Variants in FAAH2 observed in about 807,000 individuals in gnomAD.
The protein encoded by FAAH2 is fatty-acid amide hydrolase 2.
A neutral mutation model predicts 36.9 loss-of-function variants in FAAH2; 60 were observed. The ratio of observed to expected loss-of-function variants is 1.63; its 90% CI spans 1.32 to 2.02. The LOEUF (loss-of-function observed/expected upper bound fraction) is 2.02. Among genes scored for constraint, FAAH2 ranks in the 30% most tolerant of loss-of-function variants. The pLI is 0.00. For missense variants in FAAH2, 689 were observed against 397.5 expected, an observed-to-expected ratio of 1.73 and a Z score of -6.23; for synonymous variants, 214 against 143.8, an observed-to-expected ratio of 1.49 and a Z score of -3.49.
chrX:57,472,769 G>A (rs1290283983), intron 10 of FAAH2, among the ~76,000 whole-genome samples: 1 of 110,931 alleles, frequency 9.0e-6, no homozygotes, highest in African/African-American at 3.3e-5. Flanking sequence ...TATGTTTCCA[G>A]GAAACTATCA....
chrX:57,201,927 T>C, the FAAH2 span, among the ~76,000 whole-genome samples: 1 of 111,930 alleles, frequency 8.9e-6, no homozygotes, highest in East Asian at 2.8e-4. Context: ...ATTAAAAGAC[T>C]GTAATACATT....
At chrX:57,319,260 G>C (rs1473815814) in intron 3 of FAAH2, among the ~76,000 whole-genome samples, 1 of 111,389 alleles carries the variant, frequency 9.0e-6, no homozygotes, top group East Asian at 2.8e-4. Context: ...ATGATTGTAT[G>C]CTTAGAAAAC....
At chrX:57,133,358 A>T in the FAAH2 span, among the ~76,000 whole-genome samples, 3 of 111,675 alleles carry the variant, frequency 2.7e-5, no homozygotes, top group African/African-American at 9.8e-5. Context: ...TGTGGGGTAA[A>T]GATAAAACAA....
At chrX:57,174,759 A>G in the FAAH2 span, among the ~76,000 whole-genome samples, 6 of 111,615 alleles carry the variant, frequency 5.4e-5, no homozygotes, top group Non-Finnish European at 1.1e-4. Flanking sequence ...TGTATGCCAG[A>G]GGTTTTGATA....
intron 3 of FAAH2, among the ~76,000 whole-genome samples, chrX:57,319,090 A>C (rs1228434102): frequency 1.8e-5 from 2 of 112,123 alleles, no homozygotes; most frequent in Non-Finnish European, 3.8e-5. Flanking sequence ...AACTGGAAGC[A>C]TTCCCTTTGA....
intron 7 of FAAH2, among the ~76,000 whole-genome samples, chrX:57,426,859 C>T (rs1322274550): frequency 9.0e-6 from 1 of 110,699 alleles, no homozygotes; most frequent in African/African-American, 3.3e-5. Context: ...TATGAACAAA[C>T]CAAACCCAAA....
At chrX:57,307,524 G>A (rs957481724) in intron 2 of FAAH2, among the ~76,000 whole-genome samples, 4 of 111,208 alleles carry the variant, frequency 3.6e-5, no homozygotes, top group African/African-American at 1.3e-4. Flanking sequence ...TCTAGCAGCT[G>A]TATTTTAAAA....
chrX:57,403,492 AT>A (rs1221049205), intron 7 of FAAH2, among the ~76,000 whole-genome samples: 2 of 112,693 alleles, frequency 1.8e-5, no homozygotes, highest in African/African-American at 3.2e-5. Flanking sequence ...GTTCCTGAGT[AT>A]TTCATAATAA....
the FAAH2 span, among the ~76,000 whole-genome samples, chrX:57,214,179 A>T: frequency 3.6e-5 from 4 of 111,560 alleles, no homozygotes; most frequent in Middle Eastern, 4.6e-3. Context: ...TTTTAACTTC[A>T]GTCTGTTTCT....
At chrX:57,205,134 C>A in the FAAH2 span, among the ~76,000 whole-genome samples, 1 of 112,210 alleles carries the variant, frequency 8.9e-6, no homozygotes, top group Non-Finnish European at 1.9e-5. Context: ...CATCCATTTG[C>A]CAAAGAGAAT....
At chrX:57,144,656 T>G in the FAAH2 span, among the ~76,000 whole-genome samples, 1 of 110,384 alleles carries the variant, frequency 9.1e-6, no homozygotes. Flanking sequence ...TTTCAGTCGT[T>G]TATCCCTCAG....
chrX:57,227,729 G>A, the FAAH2 span, among the ~76,000 whole-genome samples: 1 of 111,514 alleles, frequency 9.0e-6, no homozygotes, highest in South Asian at 3.8e-4. Flanking sequence ...TATGTCCTTT[G>A]TCTCCTGCCA....
the FAAH2 span, among the ~76,000 whole-genome samples, chrX:57,262,187 C>T: frequency 9.0e-6 from 1 of 111,345 alleles, no homozygotes. Flanking sequence ...CAGACCAGCT[C>T]GGACTCTCAG....
rs753418204 is a variant in FAAH2, at chrX:57,395,264, G to A, written c.996+14235G>A. 3 of 643,792 alleles carry A rather than the reference G, an allele frequency of 4.7e-6. No homozygotes were observed. The South Asian group carries it at 6.5e-5, about 14-fold the overall frequency. The allele number at this position is 643,792 out of a possible 1,213,427, so 53.1% of individuals were successfully genotyped here. A position where few individuals can be genotyped will look rare whatever the true frequency, so the allele number is the denominator to read the frequency against. On this transcript the variant is annotated intron_variant, in intron 7 of 10. Transcript: ENST00000374900. Reference sequence around the variant, plus strand: ...TTCAGCTTCACATTATATAAAGATTGGAATCATCTCTGTTGCCAACCTGTA... The same window carrying A: ...TTCAGCTTCACATTATATAAAGATTAGAATCATCTCTGTTGCCAACCTGTA...
At chrX:57,458,810 G>A (rs887863476) in intron 10 of FAAH2, among the ~76,000 whole-genome samples, 1 of 112,210 alleles carries the variant, frequency 8.9e-6, no homozygotes, top group African/African-American at 3.2e-5. Flanking sequence ...TTCCCCACAG[G>A]TTTGCAATCC....
the FAAH2 span, among the ~76,000 whole-genome samples, chrX:57,266,764 G>A: frequency 8.9e-6 from 1 of 112,047 alleles, no homozygotes; most frequent in African/African-American, 3.2e-5. Flanking sequence ...CATCTCTCTG[G>A]GATGGAGGCT....
chrX:57,484,236 T>G (rs2057433523), intron 10 of FAAH2, among the ~76,000 whole-genome samples: 1 of 111,191 alleles, frequency 9.0e-6, no homozygotes, highest in Non-Finnish European at 1.9e-5. Flanking sequence ...AGCTAGATCG[T>G]GGTGTTCCCT....
chrX:57,327,802 G>A (rs1306440144), intron 3 of FAAH2, among the ~76,000 whole-genome samples: 1 of 111,397 alleles, frequency 9.0e-6, no homozygotes, highest in Non-Finnish European at 1.9e-5. Context: ...CCTTTAGCTT[G>A]CCGTAGTTTG....
At chrX:57,446,278 T>C (rs1457180385) in intron 8 of FAAH2, among the ~76,000 whole-genome samples, 1 of 112,048 alleles carries the variant, frequency 8.9e-6, no homozygotes, top group Non-Finnish European at 1.9e-5. Flanking sequence ...AACCAGTTAT[T>C]GTGATTGCTC....
Sources: allele counts gnomAD v4.1 joint callset (sites outside exome capture counted in the v4.1 genomes callset), GRCh38; gene constraint gnomAD v4.1.1; transcripts MANE v1.5; gene names NCBI Gene and HGNC (gene_info 2026-07-23, HGNC 2026-07-21).